Variants in C14orf39 observed in about 807,000 individuals in gnomAD.
C14orf39 encodes chromosome 14 open reading frame 39, also known as protein SIX6OS1.
Under a neutral mutation model 85.6 loss-of-function variants are expected in C14orf39, and 66 were observed. The ratio of observed to expected loss-of-function variants is 0.77; its 90% confidence interval spans 0.63 to 0.95. C14orf39 has a LOEUF of 0.95. C14orf39 is among the 40% of genes least tolerant of loss of function. The pLI is 0.00. For synonymous variants in C14orf39, 242 were observed against 214.0 expected (o/e 1.13, Z -1.14); for missense variants, 735 against 663.9 (o/e 1.11, Z -1.18).
At chr14:60,475,047 G>C (rs1892303309) in intron 5 of C14orf39, among the ~76,000 whole-genome samples, 1 of 152,062 alleles carries the variant, frequency 6.6e-6, no homozygotes, top group East Asian at 1.9e-4. Flanking sequence ...TTTTTGGTTG[G>C]TAAACTATTA....
At chr14:60,475,839 A>G (rs1435037693) in intron 5 of C14orf39, among the ~76,000 whole-genome samples, 1 of 152,184 alleles carries the variant, frequency 6.6e-6, no homozygotes, top group East Asian at 1.9e-4. Flanking sequence ...AAAAATTCGT[A>G]GAAAAATTTT....
intron 8 of C14orf39, 151 bp downstream of exon 8, chr14:60,469,382 A>G (rs1595469748): frequency 4.3e-6 from 1 of 231,346 alleles, no homozygotes; most frequent in East Asian, 8.5e-5. Flanking sequence ...AGTACCTAAA[A>G]TACCTTTTGG....
chr14:60,511,130 G>T (rs540804738), intron 1 of C14orf39: 1 of 1,612,858 alleles, frequency 6.2e-7, no homozygotes, highest in Admixed American at 1.7e-5. Flanking sequence ...GGCACTACGG[G>T]CGGAGGGCGA....
intron 11 of C14orf39, among the ~76,000 whole-genome samples, chr14:60,464,950 C>T (rs1338291149): frequency 6.6e-6 from 1 of 151,892 alleles, no homozygotes; most frequent in South Asian, 2.1e-4. Flanking sequence ...ATTAATTTTG[C>T]CTTATCTTTT....
At chr14:60,444,988 A>G (rs1296036331) in intron 16 of C14orf39, among the ~76,000 whole-genome samples, 7 of 152,202 alleles carry the variant, frequency 4.6e-5, no homozygotes, top group African/African-American at 1.7e-4. Context: ...GTGAAGGAGA[A>G]ATAAAATACT....
intron 9 of C14orf39, 33 bp downstream of exon 9, chr14:60,468,412 C>A: frequency 3.0e-6 from 4 of 1,325,668 alleles, no homozygotes; most frequent in Non-Finnish European, 4.2e-6. Flanking sequence ...AATATCTGTT[C>A]ACATAAAATT....
intron 1 of C14orf39, chr14:60,509,977 A>T: frequency 6.3e-7 from 1 of 1,592,800 alleles, no homozygotes; most frequent in Non-Finnish European, 8.6e-7. Context: ...ACAGGTCGGT[A>T]CCTAGAGGCC....
At chr14:60,452,428 T>C (rs1891080102) in intron 16 of C14orf39, among the ~76,000 whole-genome samples, 1 of 151,424 alleles carries the variant, frequency 6.6e-6, no homozygotes, top group Admixed American at 6.6e-5. Context: ...CACTTATTTG[T>C]GGGACCTAAA....
At chr14:60,450,987 A>C (rs1213445607) in intron 16 of C14orf39, among the ~76,000 whole-genome samples, 2 of 152,192 alleles carry the variant, frequency 1.3e-5, no homozygotes, top group Non-Finnish European at 2.9e-5. Context: ...CTCCTCAAGA[A>C]AGACAGGCAC....
intron 2 of C14orf39, chr14:60,496,047 T>C: frequency 1.3e-6 from 1 of 759,452 alleles, no homozygotes; most frequent in Non-Finnish European, 2.1e-6. Context: ...ATGAGGTAGC[T>C]TGGCTTGTTT....
chr14:60,481,037 T>A (rs1892614194), intron 4 of C14orf39, among the ~76,000 whole-genome samples: 1 of 152,168 alleles, frequency 6.6e-6, no homozygotes, highest in Admixed American at 6.5e-5. Flanking sequence ...AAATTAGTGA[T>A]CTACTGCACC....
rs780717478 is a variant in C14orf39 at position 60,468,530 on chromosome 14, A to G, written c.682T>C (p.Ser228Pro). 2 of 1,564,920 alleles carry G rather than the reference A, an allele frequency of 1.3e-6. No homozygotes were observed. Among genetic ancestry groups the G allele is most frequent in the Non-Finnish European group, 1.7e-6 (2 of 1,153,928 alleles). ...IEINYLNQQI[S>P]RHNETKALSE... Reference sequence around the variant, plus strand: ...AGAGCCTTAGTTTCATTATGCCTAGATATCTGCTAAAAAGACAATTGGGAA... The same window carrying G: ...AGAGCCTTAGTTTCATTATGCCTAGGTATCTGCTAAAAAGACAATTGGGAA... Residue 228 changes from serine (S) to proline (P), a missense_variant, in exon 9 of 18, where the codon TCT becomes CCT. By Grantham distance (74) the Ser-to-Pro change is moderately conservative (BLOSUM62 -1). Transcript: ENST00000321731.
intron 2 of C14orf39, chr14:60,493,790 A>G (rs1354299062): frequency 6.6e-6 from 1 of 152,238 alleles, no homozygotes; most frequent in Non-Finnish European, 1.5e-5. Context: ...AATGAAAAAA[A>G]AGAAAGAAAG....
At chr14:60,497,352 C>T (rs1893082096) in intron 2 of C14orf39, among the ~76,000 whole-genome samples, 1 of 147,080 alleles carries the variant, frequency 6.8e-6, no homozygotes, top group East Asian at 2.0e-4. Context: ...ATATCTATCT[C>T]ATCCACTATA....
intron 16 of C14orf39, among the ~76,000 whole-genome samples, chr14:60,446,326 G>C (rs931999615): frequency 6.6e-6 from 1 of 152,044 alleles, no homozygotes; most frequent in African/African-American, 2.4e-5. Flanking sequence ...CAAGAAAAGA[G>C]AGAAGAATCA....
intron 17 of C14orf39, among the ~76,000 whole-genome samples, chr14:60,439,897 G>A (rs1254320): frequency 0.18 from 27,060 of 151,918 alleles, 4,039 homozygotes; most frequent in African/African-American, 0.4. Flanking sequence ...AACATAGTGA[G>A]ACCCCGTCTC....
chr14:60,483,622 T>C (rs1490504365), intron 4 of C14orf39, 69 bp downstream of exon 4: 3 of 1,349,374 alleles, frequency 2.2e-6, no homozygotes, highest in Non-Finnish European at 3.0e-6. Flanking sequence ...GAAGGAAGTA[T>C]CTTCAACTGT....
chr14:60,495,077 C>G, intron 2 of C14orf39: 1 of 236,488 alleles, frequency 4.2e-6, no homozygotes, highest in Admixed American at 4.4e-5. Flanking sequence ...GACTGGTGAA[C>G]CCCAAGGTGT....
At chr14:60,445,400 C>A (rs983360572) in intron 16 of C14orf39, among the ~76,000 whole-genome samples, 3 of 151,852 alleles carry the variant, frequency 2.0e-5, no homozygotes. Flanking sequence ...AGGAAAAAAA[C>A]CAGGAGTTGC....
Sources: allele counts gnomAD v4.1 joint callset (sites outside exome capture counted in the v4.1 genomes callset), GRCh38; gene constraint gnomAD v4.1.1; transcripts MANE v1.5; gene names NCBI Gene and HGNC (gene_info 2026-07-23, HGNC 2026-07-21).